CSMD3: variants seen among roughly 807,000 people sequenced by gnomAD.
The protein encoded by CSMD3 is CUB and Sushi multiple domains 3.
A neutral mutation model predicts 435.2 loss-of-function variants in CSMD3; 177 were observed. That is an observed-to-expected ratio of 0.41 (90% CI 0.36 to 0.46). The LOEUF is 0.46. Among genes scored for constraint, CSMD3 ranks in the 20% least tolerant of loss-of-function variants. CSMD3 has a pLI of 0.34. For synonymous variants in CSMD3, 1,656 were observed against 1,520.5 expected (o/e 1.09, Z -2.07); for missense variants, 4,265 against 4,504.6 (o/e 0.95, Z 1.52).
chr8:113,433,438 T>G (rs1006244560), intron 1 of CSMD3, among the ~76,000 whole-genome samples: 2 of 152,114 alleles, frequency 1.3e-5, no homozygotes, highest in African/African-American at 2.4e-5. Flanking sequence ...TTCCCCCTCA[T>G]AAGACACCCG....
chr8:112,614,517 T>C (rs943540945), intron 22 of CSMD3, among the ~76,000 whole-genome samples: 1 of 151,976 alleles, frequency 6.6e-6, no homozygotes, highest in Non-Finnish European at 1.5e-5. Flanking sequence ...CAACTTTCAA[T>C]GTCCCCCACT....
chr8:112,758,612 G>T (rs939046688), intron 13 of CSMD3, among the ~76,000 whole-genome samples: 2 of 152,132 alleles, frequency 1.3e-5, no homozygotes, highest in African/African-American at 4.8e-5. Flanking sequence ...TAAAATATAA[G>T]CTTTGTGGTT....
At chr8:112,943,734 C>A (rs1211865843) in intron 9 of CSMD3, among the ~76,000 whole-genome samples, 1 of 151,500 alleles carries the variant, frequency 6.6e-6, no homozygotes, top group Non-Finnish European at 1.5e-5. Flanking sequence ...GAAATACATA[C>A]AAAGTTCTTT....
intron 22 of CSMD3, among the ~76,000 whole-genome samples, chr8:112,624,581 G>A (rs912900825): frequency 5.9e-5 from 9 of 151,960 alleles, no homozygotes; most frequent in Non-Finnish European, 8.8e-5. Context: ...TCTGATCACT[G>A]CTTTTCCAAT....
intron 26 of CSMD3, 27 bp downstream of exon 26, chr8:112,552,567 A>T: frequency 6.2e-7 from 1 of 1,605,770 alleles, no homozygotes; most frequent in Non-Finnish European, 8.5e-7. Flanking sequence ...ATTCCCTAGT[A>T]ATGTTGAGAA....
chr8:112,863,444 G>A (rs1037719966), intron 10 of CSMD3, among the ~76,000 whole-genome samples: 6 of 151,690 alleles, frequency 4.0e-5, no homozygotes, highest in Admixed American at 6.6e-5. Context: ...TATATAGACC[G>A]TACATAAATG....
intron 1 of CSMD3, among the ~76,000 whole-genome samples, chr8:113,398,916 G>A (rs1281510107): frequency 6.6e-6 from 1 of 151,650 alleles, no homozygotes; most frequent in Non-Finnish European, 1.5e-5. Context: ...GATGCTGGGG[G>A]ATGAGAGGAA....
At position 112,909,332 on chromosome 8, in the gene CSMD3, T is replaced by G. The variant is rs2082344401; in HGVS notation, c.1633+12295A>C. ...TGCCCCAAACTAAAAAAATATGTAC[T>G]AGTAAAATAACACTTAAAAATCTGT... On this transcript the variant is annotated intron_variant, in intron 10 of 70. Transcript: ENST00000297405. 3.3e-5 allele frequency among the ~76,000 whole-genome samples: 5 copies of G among 151,676 alleles called. No individual in the cohort carries two copies. In the Admixed American group the frequency reaches 3.3e-4, roughly 10 times the overall value.
At chr8:113,396,609 T>G (rs2094484642) in intron 1 of CSMD3, among the ~76,000 whole-genome samples, 1 of 152,156 alleles carries the variant, frequency 6.6e-6, no homozygotes, top group Admixed American at 6.5e-5. Flanking sequence ...TGAAAAATCC[T>G]CAAGTGCTAA....
intron 11 of CSMD3, among the ~76,000 whole-genome samples, chr8:112,832,193 A>C (rs558126139): frequency 1.4e-4 from 21 of 152,326 alleles, no homozygotes; most frequent in South Asian, 8.3e-4. Flanking sequence ...GAAACTGCAA[A>C]GTAGGAATGT....
At chr8:112,591,827 A>AT (rs547125600) in intron 22 of CSMD3, among the ~76,000 whole-genome samples, 375 of 151,884 alleles carry the variant, frequency 2.5e-3, no homozygotes, top group African/African-American at 8.1e-3. Flanking sequence ...GTGAATTCAG[A>AT]TTTTTTTTCA....
At chr8:113,205,577 G>A (rs1046848588) in intron 3 of CSMD3, among the ~76,000 whole-genome samples, 1 of 152,102 alleles carries the variant, frequency 6.6e-6, no homozygotes, top group Non-Finnish European at 1.5e-5. Context: ...TAGCCTAATG[G>A]TGAATTTCTT....
chr8:113,426,930 T>A (rs2094638812), intron 1 of CSMD3, among the ~76,000 whole-genome samples: 1 of 151,492 alleles, frequency 6.6e-6, no homozygotes, highest in African/African-American at 2.4e-5. Context: ...TGTTGTAAGA[T>A]CATATATCAA....
intron 24 of CSMD3, among the ~76,000 whole-genome samples, chr8:112,572,065 C>A (rs983018856): frequency 6.6e-6 from 1 of 151,406 alleles, no homozygotes; most frequent in Non-Finnish European, 1.5e-5. Flanking sequence ...CCCATCTGAG[C>A]AGATCACACC....
intron 5 of CSMD3, among the ~76,000 whole-genome samples, chr8:113,058,466 T>C (rs1270310351): frequency 6.6e-6 from 1 of 151,964 alleles, no homozygotes; most frequent in Non-Finnish European, 1.5e-5. Context: ...TATCCTATGA[T>C]GTAGGATAGT....
At chr8:113,116,617 T>C (rs927325891) in intron 4 of CSMD3, among the ~76,000 whole-genome samples, 1 of 152,284 alleles carries the variant, frequency 6.6e-6, no homozygotes, top group South Asian at 2.1e-4. Flanking sequence ...AAATGGCAGA[T>C]GCTGGAACCA....
At chr8:112,860,997 G>A (rs922634454) in intron 10 of CSMD3, among the ~76,000 whole-genome samples, 1 of 151,780 alleles carries the variant, frequency 6.6e-6, no homozygotes, top group Non-Finnish European at 1.5e-5. Flanking sequence ...TTTTCTGTCC[G>A]CTGGACATTC....
intron 10 of CSMD3, among the ~76,000 whole-genome samples, chr8:112,891,374 C>G (rs532013620): frequency 1.6e-4 from 24 of 151,744 alleles, no homozygotes; most frequent in African/African-American, 5.5e-4. Flanking sequence ...ATCAATTCAT[C>G]AAGATTATTG....
At position 112,986,426 on chromosome 8, in the gene CSMD3, C is replaced by A. The variant is rs373567862; in HGVS notation, c.1031-10278G>T. Among the ~76,000 whole-genome samples, 14 of 152,140 alleles carry A rather than the reference C, an allele frequency of 9.2e-5. No homozygotes were observed. In the East Asian group the frequency reaches 2.5e-3, roughly 27 times the overall value. Reference sequence around the variant, plus strand: ...AACTTTTGGAATGACAGAGAATGGGCATGATGACATCACAAGGACATCTAG... The same window carrying A: ...AACTTTTGGAATGACAGAGAATGGGAATGATGACATCACAAGGACATCTAG... On this transcript the variant is annotated intron_variant, in intron 6 of 70. Coordinates refer to ENST00000297405, the MANE Select transcript of CSMD3 (RefSeq NM_198123.2).
Sources: allele counts gnomAD v4.1 joint callset (sites outside exome capture counted in the v4.1 genomes callset), GRCh38; gene constraint gnomAD v4.1.1; transcripts MANE v1.5; gene names NCBI Gene and HGNC (gene_info 2026-07-23, HGNC 2026-07-21).